The following YLPM1 variants were observed in gnomAD, a reference collection of about 807,000 sequenced individuals.
YLPM1 encodes YLP motif containing 1.
Under a neutral mutation model 230.0 loss-of-function variants are expected in YLPM1, and 99 were observed. That is an observed-to-expected ratio of 0.43 (90% confidence interval 0.37 to 0.51). YLPM1 has a LOEUF of 0.51. YLPM1 is among the 20% of genes least tolerant of loss of function. The pLI, the probability that YLPM1 is intolerant of heterozygous loss-of-function variation, is 0.00. For synonymous variants in YLPM1, 984 were observed against 942.5 expected, an observed-to-expected ratio of 1.04 and a Z score of -0.81; for missense variants, 2,592 against 2,707.7, an observed-to-expected ratio of 0.96 and a Z score of 0.95.
At chr14:74,787,389 C>T (rs2091160408) in intron 4 of YLPM1, among the ~76,000 whole-genome samples, 1 of 151,692 alleles carries the variant, frequency 6.6e-6, no homozygotes, top group Admixed American at 6.6e-5. Flanking sequence ...ATGGTGAAGC[C>T]CCAGCTCTAC....
At chr14:74,829,487 A>G (rs968373141) in intron 19 of YLPM1, 144 bp downstream of exon 19, 44 of 1,180,202 alleles carry the variant, frequency 3.7e-5, no homozygotes, top group Non-Finnish European at 4.7e-5. Context: ...AGAAGGAGTC[A>G]TACCTTATAA....
intron 4 of YLPM1, among the ~76,000 whole-genome samples, chr14:74,784,660 G>T (rs1485921225): frequency 6.6e-6 from 1 of 152,188 alleles, no homozygotes; most frequent in Non-Finnish European, 1.5e-5. Flanking sequence ...TTTTTACATT[G>T]AACCTAAATG....
intron 4 of YLPM1, among the ~76,000 whole-genome samples, chr14:74,790,900 G>A (rs1409683756): frequency 2.0e-5 from 3 of 152,080 alleles, no homozygotes; most frequent in Non-Finnish European, 4.4e-5. Context: ...AAATGAAAAC[G>A]GTTTTGAGTC....
Position 74,835,219 on chromosome 14 carries a change from A to G in YLPM1, c.6295-46A>G, listed in dbSNP as rs765609251. 3.7e-6 allele frequency: 6 copies of G among 1,604,710 alleles called. No individual in the cohort carries two copies. In the Admixed American group the frequency reaches 5.1e-5, roughly 14 times the overall value. ...TCCAGAGAGGGAGGGGGCTCTTTGC[A>G]TATTTATTTTTCCTAAAGCTCAGCC... is the stretch of plus-strand genomic sequence containing the variant. On this transcript the variant is annotated intron_variant, in intron 19 of 20. Transcript: ENST00000325680.
chr14:74,795,682 A>C (rs563145810), intron 4 of YLPM1, among the ~76,000 whole-genome samples: 25 of 152,326 alleles, frequency 1.6e-4, no homozygotes, highest in Admixed American at 9.1e-4. Context: ...ATGATCTTTA[A>C]ACTTTTTGTC....
chr14:74,798,444 A>T lies in YLPM1; in HGVS notation c.3147A>T (p.Pro1049=). 6.2e-7 allele frequency: 1 copy of T among 1,613,996 alleles called. No homozygotes were observed. Among genetic ancestry groups the T allele is most frequent in the South Asian group, 1.1e-5 (1 of 91,084 alleles). ...RGRGQAISRG[P]GLVKQEDFRD... ...GCGGCCAGGCAATCAGTCGAGGCCCAGGATTGGTCAAGCAAGAAGACTTTC... is the reference window on the plus strand; with the variant it reads ...GCGGCCAGGCAATCAGTCGAGGCCCTGGATTGGTCAAGCAAGAAGACTTTC... Residue 1049 remains proline (P), a synonymous_variant, in exon 5 of 21, where the codon CCA becomes CCT. Coordinates refer to ENST00000325680, the MANE Select transcript of YLPM1 (RefSeq NM_019589.3).
At chr14:74,808,368 G>A (rs1172390144) in intron 6 of YLPM1, among the ~76,000 whole-genome samples, 1 of 152,004 alleles carries the variant, frequency 6.6e-6, no homozygotes, top group Non-Finnish European at 1.5e-5. Flanking sequence ...ACCACATTTT[G>A]TTTAACCATT....
chr14:74,767,260 G>A (rs2090921116), intron 1 of YLPM1, among the ~76,000 whole-genome samples: 1 of 152,182 alleles, frequency 6.6e-6, no homozygotes, highest in African/African-American at 2.4e-5. Context: ...TACCTGATCC[G>A]TTCAGATTTC....
In YLPM1 at chr14:74,833,175, A is replaced by G. The variant is rs2091620807; in HGVS notation, c.6295-2090A>G. Among the ~76,000 whole-genome samples, 11 of 152,258 alleles carry G rather than the reference A, an allele frequency of 7.2e-5. No individual in the cohort carries two copies. In the South Asian group the frequency reaches 2.3e-3, roughly 32 times the overall value. ...GTTTTCACATAAATGCCCAAGACTT[A>G]GTTCGTAATGATCTTTCGCTAAAAT... On this transcript the variant is annotated intron_variant, in intron 19 of 20. Transcript: ENST00000325680.
chr14:74,772,600 G>T (rs541097278), intron 1 of YLPM1, among the ~76,000 whole-genome samples: 1 of 152,078 alleles, frequency 6.6e-6, no homozygotes, highest in South Asian at 2.1e-4. Flanking sequence ...CTTGTGATCC[G>T]CCCGCCTTGG....
At position 74,829,311 on chromosome 14, in the gene YLPM1, G is replaced by T; in HGVS notation, c.6262G>T (p.Asp2088Tyr). 1 of 1,613,170 alleles carries T rather than the reference G, an allele frequency of 6.2e-7. No homozygotes were observed. The highest frequency in any genetic ancestry group is 1.1e-5 in the South Asian group (1 of 91,064). Reference sequence around the variant, plus strand: ...TTATCTTCAGCTCCCCGATGATTATGATACTCGTGCTTCTGAGCCTGGGAA... The same window carrying T: ...TTATCTTCAGCTCCCCGATGATTATTATACTCGTGCTTCTGAGCCTGGGAA... ...EDYLQLPDDY[D>Y]TRASEPGKKR... Residue 2088 changes from aspartate (D) to tyrosine (Y), a missense_variant, in exon 19 of 21, where the codon GAT becomes TAT. By Grantham distance (160) the Asp-to-Tyr change is radical (BLOSUM62 -3). Transcript: ENST00000325680.
chr14:74,782,179 T>C lies in YLPM1; in HGVS notation c.2136T>C (p.Ser712=), dbSNP rs983504775. The C allele has an allele frequency of 6.2e-7, 1 of 1,610,754 alleles. No homozygotes were observed. The highest frequency in any genetic ancestry group is 8.5e-7 in the Non-Finnish European group (1 of 1,179,762). The stretch of plus-strand genomic sequence containing the variant: ...TGAGCAAGTCTGCTCTGCCATACAG[T>C]TCATTCTCATCTGATCAAGGACTTG... The part of the protein sequence containing the change: ...APLSKSALPY[S]SFSSDQGLGE... Residue 712 remains serine (S), a synonymous_variant, in exon 4 of 21, where the codon AGT becomes AGC. Coordinates refer to ENST00000325680, the MANE Select transcript of YLPM1 (RefSeq NM_019589.3).
chr14:74,790,210 G>A (rs2091192476), intron 4 of YLPM1, among the ~76,000 whole-genome samples: 1 of 152,094 alleles, frequency 6.6e-6, no homozygotes, highest in African/African-American at 2.4e-5. Flanking sequence ...CCATTCTATA[G>A]CTATCTTACT....
intron 4 of YLPM1, among the ~76,000 whole-genome samples, chr14:74,793,024 T>G (rs534003575): frequency 7.2e-5 from 11 of 152,374 alleles, no homozygotes; most frequent in African/African-American, 2.6e-4. Context: ...GGATCATTGT[T>G]CTATTTTGTT....
chr14:74,804,098 G>C (rs908154711), intron 6 of YLPM1, among the ~76,000 whole-genome samples: 1 of 152,112 alleles, frequency 6.6e-6, no homozygotes, highest in Non-Finnish European at 1.5e-5. Flanking sequence ...TAGAGGTTGC[G>C]GTGAGCCGAC....
Position 74,798,207 on chromosome 14 carries a change from A to G in YLPM1, c.2910A>G (p.Ala970=). 3 of 1,614,044 alleles carry G rather than the reference A, an allele frequency of 1.9e-6. No individual in the cohort carries two copies. The South Asian group carries it at 3.3e-5, about 18-fold the overall frequency. The change falls in exon 5 of 21, where the codon GCA becomes GCG. Residue 970 remains alanine, a synonymous_variant. Coordinates refer to ENST00000325680, the MANE Select transcript of YLPM1 (RefSeq NM_019589.3). The part of the protein sequence containing the change: ...SKTGGMEGGT[A]VATSSLTADN... ...CAGGGGGGATGGAGGGAGGAACAGC[A>G]GTAGCAACATCATCATTAACAGCAG...
At position 74,816,593 on chromosome 14, in the gene YLPM1, G is replaced by A. The variant is rs768837069; in HGVS notation, c.5588G>A (p.Gly1863Glu). The change falls in exon 13 of 21, where the codon GGA becomes GAA. Residue 1863 changes from glycine to glutamate, a missense_variant. By Grantham distance (98) the Gly-to-Glu change is moderately conservative. Around this residue, in one of 4 missense-constraint regions of YLPM1, gnomAD observed 315 missense variants for 429.3 expected, o/e 0.73. Transcript: ENST00000325680. Reference sequence around the variant, plus strand: ...TAGGATAAGGAGGTAGAATTTGGAGGACCTGCACCCAGAGTTCTAAGCCTG... The same window carrying A: ...TAGGATAAGGAGGTAGAATTTGGAGAACCTGCACCCAGAGTTCTAAGCCTG... ...LIRDKEVEFG[G>E]PAPRVLSLDD... 2 of 1,613,564 alleles carry A rather than the reference G, an allele frequency of 1.2e-6. No homozygotes were observed. Among genetic ancestry groups the A allele is most frequent in the Non-Finnish European group, 1.7e-6 (2 of 1,179,718 alleles).
intron 18 of YLPM1, among the ~76,000 whole-genome samples, chr14:74,825,503 C>G (rs943987584): frequency 1.2e-4 from 18 of 152,050 alleles, no homozygotes; most frequent in African/African-American, 4.3e-4. Flanking sequence ...TTGTCATCTT[C>G]CAGAGACCCT....
At chr14:74,772,360 T>A (rs1425079894) in intron 1 of YLPM1, among the ~76,000 whole-genome samples, 1 of 137,344 alleles carries the variant, frequency 7.3e-6, no homozygotes, top group Non-Finnish European at 1.6e-5. Context: ...ATATTCTTAA[T>A]TTTTTTTTTT....
Sources: gnomAD v4.1 joint callset for allele counts (sites outside exome capture counted in the v4.1 genomes callset) on GRCh38, gnomAD v4.1.1 for gene constraint, gnomAD v4.1.1 regional missense constraint, MANE v1.5 for transcripts, NCBI Gene and HGNC (gene_info 2026-07-23, HGNC 2026-07-21) for gene names.